Variants in MCUB observed in about 807,000 individuals in gnomAD.
MCUB encodes mitochondrial calcium uniporter dominant negative subunit beta.
In MCUB, 46 loss-of-function variants were observed where a neutral mutation model predicts 41.4. The observed-to-expected ratio is 1.11, with a 90% CI of 0.88 to 1.42. MCUB has a LOEUF of 1.42. MCUB is among the 40% of genes most tolerant of loss of function. The probability of loss-of-function intolerance (pLI) is 0.00; values close to 1 mark genes in which losing one functional copy is unlikely to be tolerated. For missense variants in MCUB, 403 were observed against 404.9 expected (o/e 1.00, Z 0.04); for synonymous variants, 148 against 148.2 (o/e 1.00, Z 0.01).
Position 109,560,317 on chromosome 4 carries a change from CCG to C in MCUB, c.-15_-14del, listed in dbSNP as rs1049422445. 6.6e-6 allele frequency: 8 copies of C among 1,210,084 alleles called. No homozygotes were observed. Among genetic ancestry groups the C allele is most frequent in the Non-Finnish European group, 6.2e-6 (6 of 962,372 alleles). The allele number at this position is 1,210,084 out of a possible 1,614,324, so 75.0% of individuals were successfully genotyped here. ...GATGCGCCGCTGACGCCTGCGGGAG[CCG>C]CGCGCCTGGGGCGGGAGGATGCTCC... On this transcript the variant is annotated 5_prime_UTR_variant, in exon 1 of 8. Coordinates refer to ENST00000394650, the MANE Select transcript of MCUB (RefSeq NM_017918.5).
intron 6 of MCUB, 180 bp downstream of exon 6, chr4:109,684,826 T>C (rs779685425): frequency 3.9e-5 from 20 of 518,568 alleles, no homozygotes; most frequent in Non-Finnish European, 6.4e-5. Context: ...AGAGAAATTA[T>C]ATATAACTTC....
Position 109,658,417 on chromosome 4 carries a change from C to A in MCUB, c.100-594C>A, listed in dbSNP as rs1167135273. On this transcript the variant is annotated intron_variant, in intron 1 of 7. Transcript: ENST00000394650. ...GGTTCAAGTGATTCTCCTGCCTCAG[C>A]CTCGCGAGTAGCTGGGATTACAGGC... 2.6e-5 allele frequency among the ~76,000 whole-genome samples: 4 copies of A among 152,094 alleles called. No homozygotes were observed. In the East Asian group the frequency reaches 7.7e-4, roughly 29 times the overall value.
intron 1 of MCUB, among the ~76,000 whole-genome samples, chr4:109,623,835 G>A (rs992964499): frequency 1.3e-5 from 2 of 152,026 alleles, no homozygotes; most frequent in Non-Finnish European, 2.9e-5. Flanking sequence ...AGCAAAAAAC[G>A]ACTTCATTCA....
chr4:109,614,084 C>T lies in MCUB; in HGVS notation c.100-44927C>T, dbSNP rs548718023. Among the ~76,000 whole-genome samples, 12 of 152,298 alleles carry T rather than the reference C, an allele frequency of 7.9e-5. No individual in the cohort carries two copies. The East Asian group carries it at 9.6e-4, about 12-fold the overall frequency. On this transcript the variant is annotated intron_variant, in intron 1 of 7. Transcript: ENST00000394650. ...GTTAGAGGACTGTATTTGAAAGTTG[C>T]ATGCAACAGTCTACCCAGTGGTTCA...
intron 1 of MCUB, among the ~76,000 whole-genome samples, chr4:109,602,723 G>T (rs1727771174): frequency 6.6e-6 from 1 of 152,104 alleles, no homozygotes; most frequent in Non-Finnish European, 1.5e-5. Flanking sequence ...TTTAGGATTT[G>T]TTTTTTCTAT....
intron 1 of MCUB, among the ~76,000 whole-genome samples, chr4:109,599,338 G>A (rs1727672340): frequency 6.6e-6 from 1 of 151,774 alleles, no homozygotes; most frequent in South Asian, 2.1e-4. Context: ...TGTCTTATGC[G>A]ATTGAAAACA....
chr4:109,623,720 C>T (rs776056348), intron 1 of MCUB, among the ~76,000 whole-genome samples: 3 of 152,172 alleles, frequency 2.0e-5, no homozygotes, highest in Non-Finnish European at 2.9e-5. Flanking sequence ...AGCAAGCATT[C>T]GCTTCTTATT....
At chr4:109,648,116 T>A (rs1728877193) in intron 1 of MCUB, among the ~76,000 whole-genome samples, 1 of 152,246 alleles carries the variant, frequency 6.6e-6, no homozygotes. Context: ...TCAATATTTT[T>A]TCTAACAGAC....
intron 1 of MCUB, among the ~76,000 whole-genome samples, chr4:109,561,830 C>G (rs188397977): frequency 6.6e-6 from 1 of 152,282 alleles, no homozygotes; most frequent in East Asian, 1.9e-4. Context: ...CTCACTGCAA[C>G]TTCCGCCTCC....
At chr4:109,572,235 A>G (rs1166592772) in intron 1 of MCUB, among the ~76,000 whole-genome samples, 5 of 152,274 alleles carry the variant, frequency 3.3e-5, no homozygotes, top group Non-Finnish European at 7.3e-5. Context: ...ACACTTACAC[A>G]CTAAGGAAGA....
At chr4:109,671,416 C>G (rs1288714556) in intron 4 of MCUB, among the ~76,000 whole-genome samples, 1 of 151,658 alleles carries the variant, frequency 6.6e-6, no homozygotes, top group Non-Finnish European at 1.5e-5. Flanking sequence ...GTTTTTTTTC[C>G]ATTCTTTTTT....
intron 1 of MCUB, among the ~76,000 whole-genome samples, chr4:109,589,834 CT>C (rs1727389619): frequency 6.6e-6 from 1 of 152,220 alleles, no homozygotes; most frequent in Non-Finnish European, 1.5e-5. Context: ...ACCTGACTGA[CT>C]TTTGTCCGTC....
At chr4:109,639,525 T>C (rs1436837105) in intron 1 of MCUB, among the ~76,000 whole-genome samples, 1 of 151,870 alleles carries the variant, frequency 6.6e-6, no homozygotes, top group African/African-American at 2.4e-5. Context: ...CTGTCTCTAC[T>C]AAAAATACAA....
chr4:109,570,728 A>C (rs941341279), intron 1 of MCUB, among the ~76,000 whole-genome samples: 3 of 152,240 alleles, frequency 2.0e-5, no homozygotes, highest in Admixed American at 2.0e-4. Flanking sequence ...TAGATGTAGC[A>C]ATACCGTATA....
chr4:109,647,744 C>T (rs1016601867), intron 1 of MCUB, among the ~76,000 whole-genome samples: 2 of 152,096 alleles, frequency 1.3e-5, no homozygotes, highest in African/African-American at 2.4e-5. Context: ...CCATAATAAC[C>T]GACCACAGTC....
chr4:109,592,154 C>A (rs1278523482), intron 1 of MCUB, among the ~76,000 whole-genome samples: 3 of 151,978 alleles, frequency 2.0e-5, no homozygotes, highest in Non-Finnish European at 4.4e-5. Context: ...CGCCTGTAAT[C>A]CCAGCACTTT....
intron 1 of MCUB, among the ~76,000 whole-genome samples, chr4:109,584,517 C>T (rs912607645): frequency 2.0e-5 from 3 of 152,080 alleles, no homozygotes; most frequent in Non-Finnish European, 2.9e-5. Context: ...TTTGCTCTTG[C>T]ATCTCTAGTT....
intron 4 of MCUB, among the ~76,000 whole-genome samples, chr4:109,675,024 C>T (rs143635979): frequency 6.6e-6 from 1 of 152,158 alleles, no homozygotes; most frequent in Admixed American, 6.5e-5. Flanking sequence ...TCTCTTGTCT[C>T]ATCTGAATTT....
At chr4:109,665,486 C>T (rs1341284745) in intron 4 of MCUB, among the ~76,000 whole-genome samples, 1 of 152,070 alleles carries the variant, frequency 6.6e-6, no homozygotes, top group Non-Finnish European at 1.5e-5. Context: ...GCCAGGCAAA[C>T]TCTACCAAAC....
Sources: gnomAD v4.1 joint callset for allele counts (sites outside exome capture counted in the v4.1 genomes callset) on GRCh38, gnomAD v4.1.1 for gene constraint, MANE v1.5 for transcripts, NCBI Gene and HGNC (gene_info 2026-07-23, HGNC 2026-07-21) for gene names.